The following PRMT1 variants were observed in gnomAD, a reference collection of about 807,000 sequenced individuals.
PRMT1 encodes protein arginine methyltransferase 1.
In PRMT1, 5 loss-of-function variants were observed where a neutral mutation model predicts 47.4. The ratio of observed to expected loss-of-function variants is 0.11; its 90% CI spans 0.06 to 0.22. The LOEUF is 0.22. Among genes scored for constraint, PRMT1 ranks in the 10% least tolerant of loss-of-function variants. PRMT1 has a pLI of 1.00. For synonymous variants in PRMT1, 227 were observed against 204.6 expected, an observed-to-expected ratio of 1.11 and a Z score of -0.94; for missense variants, 249 against 518.4, an observed-to-expected ratio of 0.48 and a Z score of 5.05.
chr19:49,677,330 G>A lies in PRMT1; in HGVS notation c.36+14G>A. 7.2e-7 allele frequency: 1 copy of A among 1,393,132 alleles called. No homozygotes were observed. The highest frequency in any genetic ancestry group is 9.4e-7 in the Non-Finnish European group (1 of 1,068,980). The allele number at this position is 1,393,132 out of a possible 1,614,324, so 86.3% of individuals were successfully genotyped here. On this transcript the variant is annotated intron_variant, in intron 1 of 10. Transcript: ENST00000454376. ...TGCATCATGGAGGTGAGCGCTTGGAGCGCCGCCGTGGGCGGGAGGCGGCTT... is the reference window on the plus strand; with the variant it reads ...TGCATCATGGAGGTGAGCGCTTGGAACGCCGCCGTGGGCGGGAGGCGGCTT...
Position 49,683,914 on chromosome 19 carries a change from T to C in PRMT1, c.413-13T>C, listed in dbSNP as rs1371780880. ...TCCCGGGGGCTGACGTGGCCACCCTTGTCCGCCCGCAGTGGTGACCATCAT... is the reference window on the plus strand; with the variant it reads ...TCCCGGGGGCTGACGTGGCCACCCTCGTCCGCCCGCAGTGGTGACCATCAT... On this transcript the variant is annotated splice_polypyrimidine_tract_variant and intron_variant, in intron 5 of 10. Coordinates refer to ENST00000454376, the MANE Select transcript of PRMT1 (RefSeq NM_001536.6). 2.5e-6 allele frequency: 4 copies of C among 1,609,116 alleles called. No individual in the cohort carries two copies. The highest frequency in any genetic ancestry group is 3.4e-6 in the Non-Finnish European group (4 of 1,177,728).
chr19:49,686,818 G>T (rs1400645651), intron 10 of PRMT1, 92 bp downstream of exon 10: 1 of 621,584 alleles, frequency 1.6e-6, no homozygotes, highest in Non-Finnish European at 2.4e-6. Flanking sequence ...GGTGGCAGCG[G>T]GGGTAGGGGA....
At chr19:49,679,764 G>A (rs2082088116) in intron 1 of PRMT1, 108 bp from the exon 2 acceptor site, 1 of 788,884 alleles carries the variant, frequency 1.3e-6, no homozygotes, top group Non-Finnish European at 2.2e-6. Context: ...CCACCAAGAA[G>A]GAGAATTGCT....
chr19:49,683,761 A>C, intron 5 of PRMT1, 166 bp from the exon 6 acceptor site: 1 of 724,494 alleles, frequency 1.4e-6, no homozygotes, highest in South Asian at 2.0e-5. Context: ...TGCCTCAAAA[A>C]TGTCCAGAAC....
rs117653583 is a variant in PRMT1 at position 49,679,796 on chromosome 19, A to G, written c.37-76A>G. 824 of 1,143,648 alleles carry G rather than the reference A, an allele frequency of 7.2e-4. 3 individuals are homozygous for G. In the East Asian group the frequency reaches 0.015, roughly 20 times the overall value. The allele number at this position is 1,143,648 out of a possible 1,614,324, so 70.8% of individuals were successfully genotyped here. On this transcript the variant is annotated intron_variant, in intron 1 of 10. Transcript: ENST00000454376. ...TGCTGGAAACCCACCCCCCGGCCAG[A>G]GCCCAGGTTCCGCCACCCAGCCCTC...
intron 10 of PRMT1, chr19:49,687,943 C>G (rs757755225): frequency 3.3e-5 from 20 of 603,332 alleles, no homozygotes; most frequent in East Asian, 5.5e-5. Flanking sequence ...CAGCTGGGCT[C>G]TACTCCTGAG....
Position 49,686,260 on chromosome 19 carries a change from A to C in PRMT1, c.910+17A>C. On this transcript the variant is annotated intron_variant, in intron 9 of 10. Coordinates refer to ENST00000454376, the MANE Select transcript of PRMT1 (RefSeq NM_001536.6). ...TCTCCACCAGTGAGGCGGGGCCCAC[A>C]GGGCTGGGGGCCGTTCCCGAGCCAG... The C allele has an allele frequency of 6.3e-7, 1 of 1,578,844 alleles. No homozygotes were observed. The highest frequency in any genetic ancestry group is 8.6e-7 in the Non-Finnish European group (1 of 1,162,986).
At position 49,685,186 on chromosome 19, in the gene PRMT1, G is replaced by A. The variant is rs771481164; in HGVS notation, c.759+149G>A. The A allele has an allele frequency of 1.8e-5, 28 of 1,543,438 alleles. 1 individual carries two copies. The South Asian group carries it at 2.7e-4, about 15-fold the overall frequency. On this transcript the variant is annotated intron_variant, in intron 8 of 10. Transcript: ENST00000454376. This position sits in a 1 kb window ranked among gnomAD's most constrained non-coding sequence, Gnocchi z 4.7. ...GCCAGAGGTGGTGCTAGAGGCCCAGGAAAGACACTTCGTCCTTTAAATATC... is the reference window on the plus strand; with the variant it reads ...GCCAGAGGTGGTGCTAGAGGCCCAGAAAAGACACTTCGTCCTTTAAATATC...
chr19:49,677,994 G>A (rs1266143578), intron 1 of PRMT1, among the ~76,000 whole-genome samples: 2 of 152,142 alleles, frequency 1.3e-5, no homozygotes, highest in South Asian at 4.1e-4. Flanking sequence ...GGAGTTGGGG[G>A]ATGGGGCATG....
chr19:49,677,118 A>G, upstream of PRMT1: 3 of 547,730 alleles, frequency 5.5e-6, no homozygotes, highest in Admixed American at 4.3e-5. Flanking sequence ...TCTCTAGCCA[A>G]TTACTAGACG....
intron 9 of PRMT1, 86 bp from the exon 10 acceptor site, chr19:49,686,519 G>A: frequency 2.1e-6 from 3 of 1,445,780 alleles, no homozygotes; most frequent in East Asian, 2.4e-5. Flanking sequence ...AGCTGTCATG[G>A]GGGTGGGCAT....
chr19:49,676,559 G>A (rs1309048361), upstream of PRMT1: 2 of 152,190 alleles, frequency 1.3e-5, no homozygotes, highest in East Asian at 1.9e-4. Context: ...TGTTGACGAC[G>A]GACTCCTATT....
Position 49,681,442 on chromosome 19 carries a change from T to TA in PRMT1, c.193-463dup, listed in dbSNP as rs892524144. 6.6e-6 allele frequency among the ~76,000 whole-genome samples: 1 copy of TA among 151,820 alleles called. No individual in the cohort carries two copies. The highest frequency in any genetic ancestry group is 1.5e-5 in the Non-Finnish European group (1 of 67,962). On this transcript the variant is annotated intron_variant, in intron 3 of 10. Transcript: ENST00000454376. The surrounding 1 kb of genome is among the most constrained non-coding windows in gnomAD (Gnocchi z 4.4). ...GTTTAGACCATCTAATCTGATTTTT[T>TA]AAAAAGGGAAACTGGCTGGGCGCAG...
upstream of PRMT1, among the ~76,000 whole-genome samples, chr19:49,676,744 C>G (rs2082042398): frequency 6.6e-6 from 1 of 152,168 alleles, no homozygotes; most frequent in African/African-American, 2.4e-5. Context: ...ATCGTTGGTG[C>G]CTGAAGCCCC....
chr19:49,687,285 C>T (rs1455868245), intron 10 of PRMT1, among the ~76,000 whole-genome samples: 2 of 152,106 alleles, frequency 1.3e-5, no homozygotes, highest in African/African-American at 4.8e-5. Context: ...TTCTCGGAGA[C>T]AGGGTCTGGG....
At chr19:49,687,864 A>C in intron 10 of PRMT1, 1 of 486,842 alleles carries the variant, frequency 2.1e-6, no homozygotes. Flanking sequence ...TTTCTTTTTT[A>C]TGAAAGAAGC....
intron 5 of PRMT1, 73 bp downstream of exon 5, chr19:49,682,332 A>C: frequency 1.3e-6 from 2 of 1,492,798 alleles, no homozygotes; most frequent in Non-Finnish European, 1.9e-6. Flanking sequence ...CCCTCTGAAG[A>C]GCAGTGGGGT....
Position 49,681,125 on chromosome 19 carries a change from C to CT in PRMT1, c.192+538dup, listed in dbSNP as rs777097932. Among the ~76,000 whole-genome samples, 3 of 152,236 alleles carry CT rather than the reference C, an allele frequency of 2.0e-5. No homozygotes were observed. In the South Asian group the frequency reaches 6.2e-4, roughly 32 times the overall value. ...AGTGCATTGGTGCAATCATGGCTCACTGCAGCCTCGACCTCCCCGGCTCAG... is the reference window on the plus strand; with the variant it reads ...AGTGCATTGGTGCAATCATGGCTCACTTGCAGCCTCGACCTCCCCGGCTCAG... On this transcript the variant is annotated intron_variant, in intron 3 of 10. Transcript: ENST00000454376. The surrounding 1 kb of genome is among the most constrained non-coding windows in gnomAD (Gnocchi z 4.4).
intron 1 of PRMT1, chr19:49,679,585 A>T: frequency 1.5e-6 from 1 of 683,786 alleles, no homozygotes; most frequent in Non-Finnish European, 2.7e-6. Context: ...CCTGGCCTGG[A>T]TGGGGGAGGT....
Sources: gnomAD v4.1 joint callset for allele counts (sites outside exome capture counted in the v4.1 genomes callset) on GRCh38, gnomAD v4.1.1 for gene constraint, Gnocchi (gnomAD v3.1) non-coding constraint, MANE v1.5 for transcripts, NCBI Gene and HGNC (gene_info 2026-07-23, HGNC 2026-07-21) for gene names.